Variants in CYLD observed in about 807,000 individuals in gnomAD.
CYLD encodes the protein ubiquitin carboxyl-terminal hydrolase CYLD.
CYLD carries 26 observed loss-of-function variants against 104.5 expected under a neutral mutation model. The ratio of observed to expected loss-of-function variants is 0.25; its 90% CI spans 0.18 to 0.35. The LOEUF is 0.35. Among genes scored for constraint, CYLD ranks in the 10% least tolerant of loss-of-function variants. The pLI is 1.00. For missense variants in CYLD, 703 were observed against 1,136.1 expected (o/e 0.62, Z 5.48); for synonymous variants, 385 against 399.9 (o/e 0.96, Z 0.45).
chr16:50,794,905 C>G lies in CYLD; in HGVS notation c.2686+477C>G, dbSNP rs906944412. ...CGATGTGCTGGGATTACAAGAGGAG[C>G]CAGTGCACCCAGCCTCATATTGTGA... On this transcript the variant is annotated intron_variant, in intron 18 of 18. Coordinates refer to ENST00000427738, the MANE Select transcript of CYLD (RefSeq NM_001378743.1). The surrounding 1 kb of genome is among the most constrained non-coding windows in gnomAD (Gnocchi z 4.1). The G allele has an allele frequency of 1.5e-5, 3 of 200,358 alleles. No homozygotes were observed. Among genetic ancestry groups the G allele is most frequent in the Non-Finnish European group, 3.1e-5 (3 of 96,826 alleles). The allele number at this position is 200,358 out of a possible 1,614,324, so 12.4% of individuals were successfully genotyped here. A position where few individuals can be genotyped will look rare whatever the true frequency, so the allele number is the denominator to read the frequency against.
At chr16:50,748,847 A>G (rs1466831792) in intron 2 of CYLD, among the ~76,000 whole-genome samples, 2 of 152,206 alleles carry the variant, frequency 1.3e-5, no homozygotes, top group African/African-American at 4.8e-5. Context: ...TATCATAGCT[A>G]TCATTTATAG....
At chr16:50,790,637 A>G (rs1172332142) in intron 14 of CYLD, among the ~76,000 whole-genome samples, 1 of 150,890 alleles carries the variant, frequency 6.6e-6, no homozygotes, top group Non-Finnish European at 1.5e-5. Flanking sequence ...TATCAATTAA[A>G]TTTTGTTTAT....
At chr16:50,750,316 T>TTA in intron 3 of CYLD, 114 bp downstream of exon 3, 19 of 1,236,142 alleles carry the variant, frequency 1.5e-5, no homozygotes, top group Middle Eastern at 4.4e-4. Flanking sequence ...TTCCCAAGAG[T>TTA]CTTCTGTAAT....
intron 5 of CYLD, among the ~76,000 whole-genome samples, chr16:50,760,584 T>C (rs1342657165): frequency 6.6e-6 from 1 of 152,206 alleles, no homozygotes; most frequent in Non-Finnish European, 1.5e-5. Flanking sequence ...ATTCTCTTAA[T>C]TTTATATGTT....
At chr16:50,745,077 C>A (rs1596949754) in intron 2 of CYLD, among the ~76,000 whole-genome samples, 1 of 152,166 alleles carries the variant, frequency 6.6e-6, no homozygotes, top group East Asian at 1.9e-4. Context: ...TATTCATAAT[C>A]ACACAGTTAT....
chr16:50,787,886 A>C, intron 14 of CYLD, 34 bp downstream of exon 14: 1 of 1,217,550 alleles, frequency 8.2e-7, no homozygotes, highest in Non-Finnish European at 1.2e-6. Context: ...GCATTGGAAA[A>C]ATAGACAATT....
intron 11 of CYLD, among the ~76,000 whole-genome samples, chr16:50,783,615 T>G (rs1970499872): frequency 6.6e-6 from 1 of 152,172 alleles, no homozygotes; most frequent in East Asian, 1.9e-4. Context: ...CTCGGCTCAC[T>G]GGAACCTCCA....
intron 5 of CYLD, among the ~76,000 whole-genome samples, chr16:50,773,360 T>C (rs943825838): frequency 2.0e-5 from 3 of 152,238 alleles, no homozygotes; most frequent in Admixed American, 2.0e-4. Flanking sequence ...TTGCTGTGTA[T>C]ACATAATGGA....
At chr16:50,751,995 CATATATATACACACAT>C (rs1966671554) in intron 4 of CYLD, 89 bp downstream of exon 4, 5 of 331,678 alleles carry the variant, frequency 1.5e-5, no homozygotes, top group African/African-American at 2.3e-5. Context: ...TATATACACA[CATATATATACACACAT>C]ATATATGTAT....
rs977729098 is a variant in CYLD at position 50,799,616 on chromosome 16, A to C, written c.*3108A>C. On this transcript the variant is annotated 3_prime_UTR_variant, in exon 19 of 19. Transcript: ENST00000427738. ...TTCTTCCTATCCCTAGGATTCCTTT[A>C]TTATTTTTTTTCACAGATTTTGAGA... 4.3e-6 allele frequency: 1 copy of C among 233,468 alleles called. No homozygotes were observed. The highest frequency in any genetic ancestry group is 8.5e-6 in the Non-Finnish European group (1 of 117,904). The allele number at this position is 233,468 out of a possible 1,614,324, so 14.5% of individuals were successfully genotyped here. A position where few individuals can be genotyped will look rare whatever the true frequency, so the allele number is the denominator to read the frequency against.
In CYLD at chr16:50,786,896, A is replaced by G; in HGVS notation, c.1991A>G (p.Lys664Arg). ...GCCACAAAAATTATGAAACTGAGGA[A>G]AATACTTGAAAAGGTGGAGGCTGCA... ...VCATKIMKLR[K>R]ILEKVEAASG... is the part of the protein sequence containing the mutation. The change falls in exon 13 of 19, where the codon AAA becomes AGA. Residue 664 changes from lysine (K) to arginine (R), a missense_variant. This residue lies in a region of CYLD where 125 missense variants were observed against 325.4 expected (regional missense o/e 0.38). Coordinates refer to ENST00000427738, the MANE Select transcript of CYLD (RefSeq NM_001378743.1). The G allele has an allele frequency of 6.2e-7, 1 of 1,614,066 alleles. No individual in the cohort carries two copies. The highest frequency in any genetic ancestry group is 8.5e-7 in the Non-Finnish European group (1 of 1,179,956).
chr16:50,780,189 C>T (rs1052502862), intron 9 of CYLD, 145 bp downstream of exon 9: 1 of 1,004,732 alleles, frequency 1.0e-6, no homozygotes, highest in Admixed American at 2.0e-5. Context: ...TGTTTTCTGA[C>T]TTCCCTTTGC....
At chr16:50,770,938 G>C (rs1474601469) in intron 5 of CYLD, among the ~76,000 whole-genome samples, 4 of 152,130 alleles carry the variant, frequency 2.6e-5, no homozygotes, top group Non-Finnish European at 5.9e-5. Context: ...TCTTAATAGG[G>C]TCTTTCACAG....
At chr16:50,755,006 C>G (rs1376296867) in intron 5 of CYLD, among the ~76,000 whole-genome samples, 2 of 10,900 alleles carry the variant, frequency 1.8e-4, no homozygotes, top group South Asian at 1.6e-3. Flanking sequence ...TGTATATATA[C>G]ATATATATGT....
chr16:50,774,798 T>G (rs1445057311), intron 5 of CYLD, among the ~76,000 whole-genome samples: 1 of 152,248 alleles, frequency 6.6e-6, no homozygotes, highest in Non-Finnish European at 1.5e-5. Context: ...AGTGGTTGAC[T>G]GTGGGTAACT....
At chr16:50,769,248 A>G (rs1968851732) in intron 5 of CYLD, among the ~76,000 whole-genome samples, 1 of 152,216 alleles carries the variant, frequency 6.6e-6, no homozygotes, top group African/African-American at 2.4e-5. Flanking sequence ...TAACTTAAAT[A>G]AAACCCCCAA....
intron 5 of CYLD, among the ~76,000 whole-genome samples, chr16:50,771,143 G>A (rs1308448377): frequency 2.6e-5 from 4 of 152,152 alleles, no homozygotes; most frequent in African/African-American, 9.7e-5. Flanking sequence ...TGGGAACCCA[G>A]TACCCATTAA....
intron 4 of CYLD, 23 bp from the exon 5 acceptor site, chr16:50,754,296 A>T (rs2150912098): frequency 7.0e-7 from 1 of 1,433,122 alleles, no homozygotes; most frequent in Non-Finnish European, 9.8e-7. Context: ...GGAGGATTTT[A>T]ATGTTTATTA....
chr16:50,769,822 C>T (rs1296570311), intron 5 of CYLD, among the ~76,000 whole-genome samples: 2 of 152,206 alleles, frequency 1.3e-5, no homozygotes, highest in Non-Finnish European at 2.9e-5. Flanking sequence ...CCATCCTTAA[C>T]CTCTGACAAC....
Sources: gnomAD v4.1 joint callset for allele counts (sites outside exome capture counted in the v4.1 genomes callset) on GRCh38, gnomAD v4.1.1 for gene constraint, gnomAD v4.1.1 regional missense constraint, Gnocchi (gnomAD v3.1) non-coding constraint, MANE v1.5 for transcripts, NCBI Gene and HGNC (gene_info 2026-07-23, HGNC 2026-07-21) for gene names.